TEX11: variants seen among roughly 807,000 people sequenced by gnomAD.
The protein encoded by TEX11 is testis expressed 11.
A neutral mutation model predicts 84.4 loss-of-function variants in TEX11; 7 were observed. That is an observed-to-expected ratio of 0.08 (90% CI 0.05 to 0.16). TEX11 has a LOEUF of 0.16. TEX11 is among the 10% of genes least tolerant of loss of function. TEX11 has a pLI of 1.00. For missense variants in TEX11, 551 were observed against 660.5 expected (o/e 0.83, Z 1.82); for synonymous variants, 264 against 222.8 (o/e 1.18, Z -1.64).
chrX:70,760,438 A>G (rs1316153250), intron 9 of TEX11, among the ~76,000 whole-genome samples: 3 of 111,452 alleles, frequency 2.7e-5, no homozygotes, highest in African/African-American at 9.8e-5. Flanking sequence ...GGAACAGAAC[A>G]GAGGCTTCAG....
At chrX:70,699,921 C>A (rs958624695) in intron 13 of TEX11, among the ~76,000 whole-genome samples, 1 of 110,216 alleles carries the variant, frequency 9.1e-6, no homozygotes, top group Non-Finnish European at 1.9e-5. Flanking sequence ...AACTATAGAT[C>A]CACAGGAAAT....
intron 2 of TEX11, among the ~76,000 whole-genome samples, chrX:70,884,696 T>C (rs982968810): frequency 4.5e-5 from 5 of 110,824 alleles, no homozygotes; most frequent in African/African-American, 1.3e-4. Flanking sequence ...CAGCAAGTCA[T>C]AAAGCAGAAG....
At chrX:70,820,169 T>C (rs1239018491) in intron 8 of TEX11, among the ~76,000 whole-genome samples, 2 of 111,946 alleles carry the variant, frequency 1.8e-5, no homozygotes, top group East Asian at 5.6e-4. Context: ...TCAAAATTTA[T>C]TACAAAGCTA....
intron 13 of TEX11, among the ~76,000 whole-genome samples, chrX:70,686,828 A>G (rs187539629): frequency 1.8e-5 from 2 of 111,687 alleles, no homozygotes; most frequent in East Asian, 2.8e-4. Context: ...GACATTGTTT[A>G]TCTGAAATTT....
intron 13 of TEX11, among the ~76,000 whole-genome samples, chrX:70,696,806 C>A (rs1235717266): frequency 9.0e-6 from 1 of 111,233 alleles, no homozygotes; most frequent in African/African-American, 3.3e-5. Context: ...ACAAAAAAAC[C>A]CCAAAATACT....
rs761616673 is a variant in TEX11, at chrX:70,554,771, A to G, written c.2170T>C (p.Leu724=). The change falls in exon 26 of 30, where the codon TTG becomes CTG. Residue 724 remains leucine (L), a synonymous_variant. Coordinates refer to ENST00000374333, the MANE Select transcript of TEX11 (RefSeq NM_031276.3). The part of the protein sequence containing the change: ...GTFSNDSCEK[L]LLLYEFEVRA... ...ACTTCAAACTCGTACAGCAGAAGCA[A>G]TTTCTCACATGAATCATTTGAGAAG... is the stretch of plus-strand genomic sequence containing the variant. 11 of 1,205,787 alleles carry G rather than the reference A, an allele frequency of 9.1e-6. No homozygotes were observed. The highest frequency in any genetic ancestry group is 7.0e-5 in the African/African-American group (4 of 57,103).
Position 70,680,449 on chromosome X carries a change from G to A in TEX11, c.1157-1560C>T, listed in dbSNP as rs373333195. 3.2e-4 allele frequency among the ~76,000 whole-genome samples: 27 copies of A among 85,501 alleles called. No homozygotes were observed. The East Asian group carries it at 8.7e-3, about 28-fold the overall frequency. 74.2% of individuals were successfully genotyped at this position (85,501 alleles called of 115,157 possible). A position where few individuals can be genotyped will look rare whatever the true frequency, so the allele number is the denominator to read the frequency against. The stretch of plus-strand genomic sequence containing the variant: ...ACCCAGGGACACAAACACTGCGGAA[G>A]GCCGCAGGGTCCTCTGCCTAGGAAA... On this transcript the variant is annotated intron_variant, in intron 14 of 29. Transcript: ENST00000374333.
At chrX:70,755,257 A>G (rs1003711944) in intron 9 of TEX11, among the ~76,000 whole-genome samples, 1 of 112,145 alleles carries the variant, frequency 8.9e-6, no homozygotes, top group African/African-American at 3.3e-5. Context: ...ATCCTATCAG[A>G]TAAACTTAAC....
intron 9 of TEX11, among the ~76,000 whole-genome samples, chrX:70,788,192 C>T (rs770285574): frequency 6.3e-5 from 7 of 111,696 alleles, no homozygotes; most frequent in Non-Finnish European, 9.4e-5. Flanking sequence ...CCACAAAAAA[C>T]ACCAATTAGC....
chrX:70,705,722 TG>T (rs1261203352), intron 13 of TEX11, among the ~76,000 whole-genome samples: 1 of 112,145 alleles, frequency 8.9e-6, no homozygotes, highest in Non-Finnish European at 1.9e-5. Flanking sequence ...TCATCATCAC[TG>T]GCCATCAGAG....
intron 1 of TEX11, among the ~76,000 whole-genome samples, chrX:70,908,138 A>G (rs1173857230): frequency 9.0e-6 from 1 of 111,318 alleles, no homozygotes; most frequent in African/African-American, 3.3e-5. Context: ...AAAGCATCCA[A>G]TCACTCACGG....
At chrX:70,618,404 T>C (rs1206959174) in intron 20 of TEX11, among the ~76,000 whole-genome samples, 1 of 111,444 alleles carries the variant, frequency 9.0e-6, no homozygotes, top group Non-Finnish European at 1.9e-5. Context: ...ACGAAATTAG[T>C]GGGCATCTGG....
downstream of TEX11, among the ~76,000 whole-genome samples, chrX:70,525,620 A>G (rs1290115354): frequency 9.0e-6 from 1 of 110,538 alleles, no homozygotes; most frequent in Non-Finnish European, 1.9e-5. Context: ...GCACTGTGCT[A>G]GACCCTGGGA....
chrX:70,644,587 C>A (rs1285041809), intron 17 of TEX11, among the ~76,000 whole-genome samples: 3 of 102,982 alleles, frequency 2.9e-5, no homozygotes, highest in African/African-American at 1.1e-4. Context: ...GAATACTATG[C>A]AGCCATAAAA....
intron 25 of TEX11, among the ~76,000 whole-genome samples, chrX:70,590,391 G>A (rs2088912912): frequency 9.0e-6 from 1 of 111,526 alleles, no homozygotes; most frequent in Admixed American, 9.6e-5. Flanking sequence ...TTGGAAAACA[G>A]AATTCATCAA....
intron 16 of TEX11, among the ~76,000 whole-genome samples, chrX:70,661,470 G>A (rs2147623308): frequency 8.9e-6 from 1 of 112,549 alleles, no homozygotes; most frequent in African/African-American, 3.2e-5. Context: ...CCAAACAAAA[G>A]GCAGCAGAAA....
chrX:70,622,872 G>A (rs1171173039), intron 20 of TEX11, among the ~76,000 whole-genome samples: 2 of 111,709 alleles, frequency 1.8e-5, no homozygotes, highest in African/African-American at 6.5e-5. Flanking sequence ...ATTTCAAGAT[G>A]TGTCTGTAAG....
chrX:70,770,308 G>A (rs1431081407), intron 9 of TEX11, among the ~76,000 whole-genome samples: 1 of 111,747 alleles, frequency 8.9e-6, no homozygotes, highest in African/African-American at 3.2e-5. Flanking sequence ...GACCTCTGGT[G>A]ATATATATTC....
At chrX:70,734,442 T>C (rs2090680388) in intron 11 of TEX11, among the ~76,000 whole-genome samples, 1 of 111,903 alleles carries the variant, frequency 8.9e-6, no homozygotes, top group East Asian at 2.8e-4. Flanking sequence ...ATTTGCATTA[T>C]GGAAAGTTTC....
Sources: allele counts gnomAD v4.1 joint callset (sites outside exome capture counted in the v4.1 genomes callset), GRCh38; gene constraint gnomAD v4.1.1; transcripts MANE v1.5; gene names NCBI Gene and HGNC (gene_info 2026-07-23, HGNC 2026-07-21).